UGT2A2: variants seen among roughly 807,000 people sequenced by gnomAD.
The protein encoded by UGT2A2 is UDP-glucuronosyltransferase 2A2.
In UGT2A2, 60 loss-of-function variants were observed where a neutral mutation model predicts 50.7. The observed-to-expected ratio is 1.18, with a 90% CI of 0.96 to 1.47. The LOEUF (loss-of-function observed/expected upper bound fraction) is 1.47, where lower values mean the gene tolerates loss of function less well. UGT2A2 is among the 40% of genes most tolerant of loss of function. The probability of loss-of-function intolerance (pLI) is 0.00; values close to 1 mark genes in which losing one functional copy is unlikely to be tolerated. For missense variants in UGT2A2, 762 were observed against 634.0 expected (o/e 1.20, Z -2.17); for synonymous variants, 242 against 214.6 (o/e 1.13, Z -1.11).
Position 69,588,949 on chromosome 4 carries a change from A to G in UGT2A2, c.*423T>C, listed in dbSNP as rs1718415537. On this transcript the variant is annotated 3_prime_UTR_variant, in exon 6 of 6. Coordinates refer to ENST00000604629, the MANE Select transcript of UGT2A2 (RefSeq NM_001105677.2). ...ACGGTGGCTCCCTGATTTGTTTGGT[A>G]TATGGAAATTTGTGAATTTGACTCT... The G allele has an allele frequency of 6.5e-6, 1 of 154,428 alleles. No individual in the cohort carries two copies. The highest frequency in any genetic ancestry group is 2.0e-4 in the South Asian group (1 of 5,040). 9.6% of individuals were successfully genotyped at this position (154,428 alleles called of 1,614,324 possible). A position where few individuals can be genotyped will look rare whatever the true frequency, so the allele number is the denominator to read the frequency against.
intron 1 of UGT2A2, among the ~76,000 whole-genome samples, chr4:69,613,569 C>T (rs1482897385): frequency 6.6e-6 from 1 of 151,892 alleles, no homozygotes; most frequent in Non-Finnish European, 1.5e-5. Flanking sequence ...TAGACACAAA[C>T]ATCTTAACAA....
At chr4:69,594,454 T>A (rs756882987) in intron 5 of UGT2A2, 23 bp downstream of exon 5, 3 of 1,607,806 alleles carry the variant, frequency 1.9e-6, no homozygotes, top group Non-Finnish European at 2.5e-6. Context: ...GTTAGGCAAG[T>A]TTTTAGGAGC....
chr4:69,632,525 AG>A (rs1190009103), intron 1 of UGT2A2, among the ~76,000 whole-genome samples: 1 of 152,182 alleles, frequency 6.6e-6, no homozygotes, highest in Admixed American at 6.5e-5. Flanking sequence ...AACTAAAAAC[AG>A]GAGGGTGGCA....
intron 1 of UGT2A2, among the ~76,000 whole-genome samples, chr4:69,625,654 C>A (rs151322398): frequency 4.6e-5 from 7 of 150,822 alleles, no homozygotes; most frequent in African/African-American, 1.5e-4. Flanking sequence ...CTTTTATGTT[C>A]TTTTGGCCAT....
At chr4:69,610,653 C>A (rs1351369911) in intron 1 of UGT2A2, among the ~76,000 whole-genome samples, 1 of 152,038 alleles carries the variant, frequency 6.6e-6, no homozygotes, top group East Asian at 1.9e-4. Flanking sequence ...AAGGGTGGGT[C>A]TCTAATCCAT....
At chr4:69,629,811 C>A in intron 1 of UGT2A2, among the ~76,000 whole-genome samples, 1 of 152,036 alleles carries the variant, frequency 6.6e-6, no homozygotes, top group East Asian at 1.9e-4. Flanking sequence ...GAACCATAAC[C>A]ATGAGCCTAG....
chr4:69,615,538 G>A (rs1720328274), intron 1 of UGT2A2, among the ~76,000 whole-genome samples: 1 of 152,114 alleles, frequency 6.6e-6, no homozygotes. Context: ...AAAAGAATGA[G>A]TAATCAAAAA....
At chr4:69,632,022 T>C (rs1243847247) in intron 1 of UGT2A2, among the ~76,000 whole-genome samples, 1 of 152,132 alleles carries the variant, frequency 6.6e-6, no homozygotes, top group East Asian at 1.9e-4. Context: ...TAGTTATTAG[T>C]TTTTCTTTAT....
chr4:69,589,424 A>G lies in UGT2A2; in HGVS notation c.1559T>C (p.Leu520Ser). 6.2e-7 allele frequency: 1 copy of G among 1,613,936 alleles called. No homozygotes were observed. Among genetic ancestry groups the G allele is most frequent in the South Asian group, 1.1e-5 (1 of 91,036 alleles). Residue 520 changes from leucine (L) to serine (S), a missense_variant, in exon 6 of 6, where the codon TTG (leucine) becomes TCG (serine). Coordinates refer to ENST00000604629, the MANE Select transcript of UGT2A2 (RefSeq NM_001105677.2). ...CTTACCAAATTTTTGACAGGAAAACAAACAACATTGTATGACCAAAAATAT... is the reference window on the plus strand; with the variant it reads ...CTTACCAAATTTTTGACAGGAAAACGAACAACATTGTATGACCAAAAATAT... ...TAIFLVIQCC[L>S]FSCQKFGKIG...
At chr4:69,637,448 T>C (rs1422561355) in intron 1 of UGT2A2, among the ~76,000 whole-genome samples, 2 of 152,132 alleles carry the variant, frequency 1.3e-5, no homozygotes, top group African/African-American at 4.8e-5. Context: ...AGTTAGTTTA[T>C]GAGTATTCAA....
At chr4:69,631,574 A>G (rs1721389356) in intron 1 of UGT2A2, among the ~76,000 whole-genome samples, 1 of 152,172 alleles carries the variant, frequency 6.6e-6, no homozygotes, top group Admixed American at 6.5e-5. Context: ...AACAGAATGA[A>G]GAATACTATT....
Position 69,589,207 on chromosome 4 carries a change from A to T in UGT2A2, c.*165T>A. 1 of 902,462 alleles carries T rather than the reference A, an allele frequency of 1.1e-6. No homozygotes were observed. The highest frequency in any genetic ancestry group is 2.7e-5 in the South Asian group (1 of 36,646). The allele number at this position is 902,462 out of a possible 1,614,324, so 55.9% of individuals were successfully genotyped here. ...ACAAGTTAATAATAATCATGCCAAA[A>T]TCTAGGCTTTATCAGTAGGCTTATC... is the stretch of plus-strand genomic sequence containing the variant. On this transcript the variant is annotated 3_prime_UTR_variant, in exon 6 of 6. Coordinates refer to ENST00000604629, the MANE Select transcript of UGT2A2 (RefSeq NM_001105677.2).
intron 1 of UGT2A2, among the ~76,000 whole-genome samples, chr4:69,609,880 G>GA (rs1719929525): frequency 1.3e-5 from 2 of 152,030 alleles, no homozygotes; most frequent in Non-Finnish European, 1.5e-5. Flanking sequence ...AGAACTTGGG[G>GA]AAAAATAAAA....
chr4:69,608,737 C>T (rs912993645), intron 1 of UGT2A2, among the ~76,000 whole-genome samples: 1 of 151,960 alleles, frequency 6.6e-6, no homozygotes, highest in Non-Finnish European at 1.5e-5. Flanking sequence ...CTCTTGTTGC[C>T]CAGGCTGGAG....
At chr4:69,600,189 T>C (rs925711166) in intron 1 of UGT2A2, among the ~76,000 whole-genome samples, 6 of 152,292 alleles carry the variant, frequency 3.9e-5, no homozygotes, top group African/African-American at 1.2e-4. Context: ...CTGGGAAACC[T>C]GGCAATCCAG....
intron 1 of UGT2A2, among the ~76,000 whole-genome samples, chr4:69,631,209 C>A (rs1721363109): frequency 6.6e-6 from 1 of 151,974 alleles, no homozygotes; most frequent in Admixed American, 6.6e-5. Flanking sequence ...CACAAAGATA[C>A]CTATACTGTT....
chr4:69,601,884 GACTCTT>G (rs1719319079), intron 1 of UGT2A2, among the ~76,000 whole-genome samples: 1 of 136,552 alleles, frequency 7.3e-6, no homozygotes, highest in Non-Finnish European at 1.6e-5. Context: ...GGCCCTCAGA[GACTCTT>G]ACTCTTGGGC....
chr4:69,629,299 C>A (rs374217896), intron 1 of UGT2A2, among the ~76,000 whole-genome samples: 18 of 152,122 alleles, frequency 1.2e-4, no homozygotes, highest in African/African-American at 4.3e-4. Flanking sequence ...AAAGTGTTTA[C>A]TTTGCAGGTC....
At chr4:69,601,959 A>C (rs1719322525) in intron 1 of UGT2A2, among the ~76,000 whole-genome samples, 1 of 137,390 alleles carries the variant, frequency 7.3e-6, no homozygotes, top group Admixed American at 7.2e-5. Context: ...AGTAAAACTA[A>C]GACAACTTGA....
Sources: gnomAD v4.1 joint callset for allele counts (sites outside exome capture counted in the v4.1 genomes callset) on GRCh38, gnomAD v4.1.1 for gene constraint, MANE v1.5 for transcripts, NCBI Gene and HGNC (gene_info 2026-07-23, HGNC 2026-07-21) for gene names.